The following PPP1R9A variants were observed in gnomAD, a reference collection of about 807,000 sequenced individuals.
PPP1R9A encodes the protein protein phosphatase 1 regulatory subunit 9A.
Under a neutral mutation model 141.9 loss-of-function variants are expected in PPP1R9A, and 59 were observed. The observed-to-expected ratio is 0.42, with a 90% CI of 0.34 to 0.52. PPP1R9A has a LOEUF of 0.52. Ranked by LOEUF, PPP1R9A falls within the 20% of genes least tolerant of loss-of-function variation. The pLI is 0.10. For synonymous variants in PPP1R9A, 500 were observed against 569.7 expected, an observed-to-expected ratio of 0.88 and a Z score of 1.74; for missense variants, 1,444 against 1,611.9, an observed-to-expected ratio of 0.90 and a Z score of 1.78.
intron 2 of PPP1R9A, among the ~76,000 whole-genome samples, chr7:95,077,410 CT>C (rs1815024603): frequency 6.6e-6 from 1 of 151,924 alleles, no homozygotes; most frequent in Non-Finnish European, 1.5e-5. Context: ...TGACTTCCCC[CT>C]CATCTTTTTG....
At chr7:94,983,764 T>C (rs1335076124) in intron 2 of PPP1R9A, among the ~76,000 whole-genome samples, 1 of 152,218 alleles carries the variant, frequency 6.6e-6, no homozygotes, top group African/African-American at 2.4e-5. Context: ...TATACAATCA[T>C]GTCATCTGCA....
chr7:95,265,739 C>G (rs1419081378), intron 12 of PPP1R9A, among the ~76,000 whole-genome samples: 1 of 152,148 alleles, frequency 6.6e-6, no homozygotes, highest in Non-Finnish European at 1.5e-5. Flanking sequence ...ATATAAATTA[C>G]TGATTTGTAA....
At chr7:94,986,924 C>G (rs1016063105) in intron 2 of PPP1R9A, among the ~76,000 whole-genome samples, 11 of 152,108 alleles carry the variant, frequency 7.2e-5, no homozygotes, top group Admixed American at 4.6e-4. Context: ...CATTGCTCAC[C>G]AGCCATATAG....
intron 2 of PPP1R9A, among the ~76,000 whole-genome samples, chr7:95,045,354 T>G (rs1028150667): frequency 2.6e-5 from 4 of 152,150 alleles, no homozygotes; most frequent in Non-Finnish European, 5.9e-5. Flanking sequence ...GATTTGGAGT[T>G]TTATATGTTG....
intron 14 of PPP1R9A, among the ~76,000 whole-genome samples, chr7:95,270,135 G>T (rs1801941412): frequency 6.6e-6 from 1 of 152,004 alleles, no homozygotes; most frequent in African/African-American, 2.4e-5. Flanking sequence ...TTGAGTCGTT[G>T]TGACAGAGAC....
At chr7:95,266,728 A>G (rs551152740) in intron 12 of PPP1R9A, among the ~76,000 whole-genome samples, 2 of 152,296 alleles carry the variant, frequency 1.3e-5, no homozygotes, top group South Asian at 2.1e-4. Flanking sequence ...AATATGAGCT[A>G]GATAAGGCAT....
intron 4 of PPP1R9A, among the ~76,000 whole-genome samples, chr7:95,133,831 A>T (rs940776238): frequency 4.6e-5 from 7 of 151,814 alleles, no homozygotes; most frequent in Non-Finnish European, 1.0e-4. Flanking sequence ...TTGGGACCAC[A>T]TGTGCACACC....
chr7:95,266,009 G>T (rs958452252), intron 12 of PPP1R9A, among the ~76,000 whole-genome samples: 8 of 152,120 alleles, frequency 5.3e-5, no homozygotes, highest in African/African-American at 1.9e-4. Context: ...GCAAATTATT[G>T]AATAGTAATA....
chr7:95,142,589 T>TTGAAAAGA (rs1326406819), intron 4 of PPP1R9A, among the ~76,000 whole-genome samples: 2 of 152,220 alleles, frequency 1.3e-5, no homozygotes, highest in Admixed American at 6.5e-5. Flanking sequence ...TATTTAGTTT[T>TTGAAAAGA]CTAGCATCAT....
intron 2 of PPP1R9A, among the ~76,000 whole-genome samples, chr7:94,947,238 T>G (rs1403424167): frequency 6.6e-6 from 1 of 152,148 alleles, no homozygotes; most frequent in Admixed American, 6.6e-5. Flanking sequence ...TTGGCTTGCA[T>G]TGCCTGACCA....
intron 4 of PPP1R9A, among the ~76,000 whole-genome samples, chr7:95,160,878 A>G (rs563713148): frequency 6.6e-6 from 1 of 152,332 alleles, no homozygotes; most frequent in Non-Finnish European, 1.5e-5. Context: ...ATGGCTACAT[A>G]GTATTCCACA....
chr7:95,213,088 G>T (rs1285555493), intron 7 of PPP1R9A, among the ~76,000 whole-genome samples: 1 of 151,626 alleles, frequency 6.6e-6, no homozygotes, highest in African/African-American at 2.4e-5. Flanking sequence ...GGTGGACGTT[G>T]TTTGGAGACA....
chr7:94,935,261 C>T (rs947721704), intron 2 of PPP1R9A, among the ~76,000 whole-genome samples: 1 of 152,180 alleles, frequency 6.6e-6, no homozygotes, highest in African/African-American at 2.4e-5. Context: ...TAAGCTACTA[C>T]TTAAATATTA....
At chr7:95,107,628 G>A (rs1022659845) in intron 2 of PPP1R9A, among the ~76,000 whole-genome samples, 1 of 152,008 alleles carries the variant, frequency 6.6e-6, no homozygotes, top group African/African-American at 2.4e-5. Flanking sequence ...GAATAGAAAA[G>A]GAGTGGAACA....
chr7:95,024,916 GAT>G (rs1236901150), intron 2 of PPP1R9A, among the ~76,000 whole-genome samples: 2 of 152,066 alleles, frequency 1.3e-5, no homozygotes, highest in Non-Finnish European at 2.9e-5. Context: ...GGCTCGTATC[GAT>G]TATTCCTTTC....
intron 5 of PPP1R9A, among the ~76,000 whole-genome samples, chr7:95,193,259 C>T (rs1019438673): frequency 6.6e-6 from 1 of 151,702 alleles, no homozygotes; most frequent in African/African-American, 2.4e-5. Context: ...CTCAAAATAG[C>T]TGCCTGAATG....
intron 12 of PPP1R9A, among the ~76,000 whole-genome samples, chr7:95,264,994 G>A (rs1321494735): frequency 6.6e-6 from 1 of 152,130 alleles, no homozygotes; most frequent in Non-Finnish European, 1.5e-5. Context: ...TTTACATCTA[G>A]CAGCACATAA....
intron 3 of PPP1R9A, among the ~76,000 whole-genome samples, chr7:95,117,946 G>A (rs1417076182): frequency 6.6e-6 from 1 of 152,102 alleles, no homozygotes; most frequent in African/African-American, 2.4e-5. Context: ...AATACACTAA[G>A]GGGAAAAACT....
rs371409462 is a variant in PPP1R9A at position 95,203,620 on chromosome 7, G to A, written c.1891-45G>A. 6.4e-4 allele frequency: 897 copies of A among 1,408,616 alleles called. 2 individuals are homozygous for A. Among genetic ancestry groups the A allele is most frequent in the Non-Finnish European group, 5.3e-4 (543 of 1,032,346 alleles). 87.3% of individuals were successfully genotyped at this position (1,408,616 alleles called of 1,614,324 possible). A position where few individuals can be genotyped will look rare whatever the true frequency, so the allele number is the denominator to read the frequency against. On this transcript the variant is annotated intron_variant, in intron 6 of 19. Coordinates refer to ENST00000433360, the MANE Select transcript of PPP1R9A (RefSeq NM_001166160.2). ...AATCCTTTATCAGGCTGCTCTCTGC[G>A]GTGGGGGTTAAGCCTTCTTTAATAT...
Sources: gnomAD v4.1 joint callset for allele counts (sites outside exome capture counted in the v4.1 genomes callset) on GRCh38, gnomAD v4.1.1 for gene constraint, MANE v1.5 for transcripts, NCBI Gene and HGNC (gene_info 2026-07-23, HGNC 2026-07-21) for gene names.